Variants in WWOX observed in about 807,000 individuals in gnomAD.
WWOX encodes WW domain containing oxidoreductase.
A neutral mutation model predicts 46.2 loss-of-function variants in WWOX; 69 were observed. The ratio of observed to expected loss-of-function variants is 1.49; its 90% CI spans 1.23 to 1.82. The LOEUF (loss-of-function observed/expected upper bound fraction) is 1.82, where lower values mean the gene tolerates loss of function less well. WWOX is among the 40% of genes most tolerant of loss of function. WWOX has a pLI of 0.00. For synonymous variants in WWOX, 359 were observed against 202.6 expected, an observed-to-expected ratio of 1.77 and a Z score of -6.56; for missense variants, 919 against 542.6, an observed-to-expected ratio of 1.69 and a Z score of -6.89.
At chr16:78,819,645 A>G (rs1017499481) in intron 8 of WWOX, among the ~76,000 whole-genome samples, 1 of 152,172 alleles carries the variant, frequency 6.6e-6, no homozygotes, top group African/African-American at 2.4e-5. Flanking sequence ...CCCTTCAATA[A>G]AAGTTGCTAA....
intron 8 of WWOX, among the ~76,000 whole-genome samples, chr16:78,708,190 C>G (rs1295131459): frequency 6.6e-6 from 1 of 152,060 alleles, no homozygotes; most frequent in Non-Finnish European, 1.5e-5. Flanking sequence ...GACCCTGTGT[C>G]TTAAAACAAC....
rs139818485 is a variant in WWOX at position 78,963,477 on chromosome 16, A to G, written c.1057-248131A>G. 2.8e-3 allele frequency among the ~76,000 whole-genome samples: 425 copies of G among 152,304 alleles called. 3 individuals are homozygous for G. The highest frequency in any genetic ancestry group is 1.0e-2 in the African/African-American group (414 of 41,570). On this transcript the variant is annotated intron_variant, in intron 8 of 8. Transcript: ENST00000566780. ...AGTAATACCCCGTCTCAGAAACAAA[A>G]ACAAATAAACAAACAAAAAGCTAAA...
chr16:78,847,952 C>A (rs991314445), intron 8 of WWOX, among the ~76,000 whole-genome samples: 1 of 152,134 alleles, frequency 6.6e-6, no homozygotes, highest in Non-Finnish European at 1.5e-5. Context: ...CAACCCTGAG[C>A]TGACCTGCTG....
At chr16:78,383,881 C>T (rs1204766168) in intron 5 of WWOX, among the ~76,000 whole-genome samples, 1 of 152,156 alleles carries the variant, frequency 6.6e-6, no homozygotes, top group East Asian at 1.9e-4. Flanking sequence ...TGTTGAACTA[C>T]TTGATGGCTT....
chr16:78,712,280 G>T (rs1261232783), intron 8 of WWOX, among the ~76,000 whole-genome samples: 2 of 152,100 alleles, frequency 1.3e-5, no homozygotes, highest in Non-Finnish European at 2.9e-5. Flanking sequence ...GAGGTGGGCA[G>T]ATCATGAGGT....
intron 8 of WWOX, among the ~76,000 whole-genome samples, chr16:78,824,892 G>T (rs1422772060): frequency 3.3e-5 from 5 of 152,118 alleles, no homozygotes; most frequent in African/African-American, 1.2e-4. Context: ...GAGAGGAAGC[G>T]ACACACCTTT....
chr16:79,194,975 C>G (rs1014890796), intron 8 of WWOX, among the ~76,000 whole-genome samples: 2 of 152,072 alleles, frequency 1.3e-5, no homozygotes, highest in African/African-American at 4.8e-5. Context: ...GCTGTCAGTT[C>G]TACTACTACC....
At chr16:78,960,778 T>G (rs1364104935) in intron 8 of WWOX, among the ~76,000 whole-genome samples, 1 of 152,178 alleles carries the variant, frequency 6.6e-6, no homozygotes, top group Non-Finnish European at 1.5e-5. Context: ...GTTCTCTATT[T>G]AGTCACCTTA....
chr16:78,127,130 C>T (rs1341778519), intron 4 of WWOX, among the ~76,000 whole-genome samples: 2 of 152,092 alleles, frequency 1.3e-5, no homozygotes, highest in Non-Finnish European at 1.5e-5. Flanking sequence ...TCTGTATGAC[C>T]CGAGCAAGTT....
intron 8 of WWOX, among the ~76,000 whole-genome samples, chr16:78,532,367 C>T (rs1283420973): frequency 1.3e-5 from 2 of 151,992 alleles, no homozygotes; most frequent in African/African-American, 4.8e-5. Flanking sequence ...GACCAGCCAC[C>T]CACTCAGAGC....
intron 8 of WWOX, among the ~76,000 whole-genome samples, chr16:78,460,316 C>T (rs572304556): frequency 6.6e-6 from 1 of 152,076 alleles, no homozygotes; most frequent in Non-Finnish European, 1.5e-5. Flanking sequence ...TTAGTAGAGG[C>T]GGAGTTTCAC....
intron 8 of WWOX, among the ~76,000 whole-genome samples, chr16:78,654,982 C>A (rs57697380): frequency 1.6e-4 from 24 of 152,166 alleles, no homozygotes; most frequent in African/African-American, 5.5e-4. Context: ...AAAATGAGCA[C>A]CACCACATCC....
At chr16:78,880,691 G>A (rs2044324482) in intron 8 of WWOX, among the ~76,000 whole-genome samples, 1 of 152,142 alleles carries the variant, frequency 6.6e-6, no homozygotes, top group Non-Finnish European at 1.5e-5. Context: ...ACTCTTGCTG[G>A]CGGTCCATCT....
chr16:78,678,482 G>A (rs529964124), intron 8 of WWOX, among the ~76,000 whole-genome samples: 2 of 152,316 alleles, frequency 1.3e-5, no homozygotes, highest in South Asian at 2.1e-4. Flanking sequence ...GCACCTGTTT[G>A]TTCAGGGCCA....
At chr16:78,534,176 A>G (rs753256518) in intron 8 of WWOX, among the ~76,000 whole-genome samples, 6 of 152,222 alleles carry the variant, frequency 3.9e-5, no homozygotes, top group Admixed American at 1.3e-4. Context: ...TGTATTAGCT[A>G]TGCATCTGTG....
chr16:79,018,591 C>G (rs1021977421), intron 8 of WWOX, among the ~76,000 whole-genome samples: 1 of 152,060 alleles, frequency 6.6e-6, no homozygotes, highest in African/African-American at 2.4e-5. Context: ...AGATAATTGT[C>G]AGAATCGAGG....
chr16:78,863,598 C>T (rs1343634514), intron 8 of WWOX, among the ~76,000 whole-genome samples: 3 of 152,134 alleles, frequency 2.0e-5, no homozygotes, highest in African/African-American at 7.2e-5. Context: ...AGTGAATCTC[C>T]CAACCATAAG....
chr16:79,098,353 G>T (rs1018730358), intron 8 of WWOX, among the ~76,000 whole-genome samples: 3 of 152,216 alleles, frequency 2.0e-5, no homozygotes, highest in Non-Finnish European at 4.4e-5. Flanking sequence ...GACTCCCAGT[G>T]GGTGGTATTT....
chr16:78,354,196 G>C (rs971397723), intron 5 of WWOX, among the ~76,000 whole-genome samples: 6 of 151,828 alleles, frequency 4.0e-5, no homozygotes, highest in African/African-American at 1.5e-4. Context: ...GTAAACATCT[G>C]TTTGGAAACG....
Sources: allele counts gnomAD v4.1 joint callset (sites outside exome capture counted in the v4.1 genomes callset), GRCh38; gene constraint gnomAD v4.1.1; transcripts MANE v1.5; gene names NCBI Gene and HGNC (gene_info 2026-07-23, HGNC 2026-07-21).